The following ANKRD6 variants were observed in gnomAD, a reference collection of about 807,000 sequenced individuals.
ANKRD6 encodes ankyrin repeat domain-containing protein 6.
In ANKRD6, 56 loss-of-function variants were observed where a neutral mutation model predicts 82.3. That is an observed-to-expected ratio of 0.68 (90% CI 0.55 to 0.85). ANKRD6 has a LOEUF of 0.85. Ranked by LOEUF, ANKRD6 falls within the 40% of genes least tolerant of loss-of-function variation. ANKRD6 has a pLI of 0.00. For missense variants in ANKRD6, 852 were observed against 907.6 expected (o/e 0.94, Z 0.79); for synonymous variants, 347 against 352.1 (o/e 0.99, Z 0.16).
At chr6:89,508,524 C>T (rs750800855) in intron 1 of ANKRD6, among the ~76,000 whole-genome samples, 6 of 152,006 alleles carry the variant, frequency 3.9e-5, no homozygotes, top group Admixed American at 6.6e-5. Flanking sequence ...CTCAGAGATA[C>T]GTGTGGGGGG....
chr6:89,616,824 C>A (rs1327875107), intron 8 of ANKRD6, 167 bp downstream of exon 8: 1 of 742,624 alleles, frequency 1.3e-6, no homozygotes, highest in Non-Finnish European at 2.4e-6. Flanking sequence ...GAAGGGTACC[C>A]CTGCTCTGAG....
At chr6:89,539,375 G>A (rs1249080420) in intron 1 of ANKRD6, among the ~76,000 whole-genome samples, 1 of 152,030 alleles carries the variant, frequency 6.6e-6, no homozygotes, top group Admixed American at 6.6e-5. Flanking sequence ...ATATCCCCAA[G>A]TAGTGTTGTC....
chr6:89,612,793 A>G (rs577418891), intron 6 of ANKRD6, among the ~76,000 whole-genome samples: 2 of 152,362 alleles, frequency 1.3e-5, no homozygotes, highest in African/African-American at 4.8e-5. Context: ...TATAGCGAGC[A>G]GGTCCTACTG....
chr6:89,606,115 G>A lies in ANKRD6; in HGVS notation c.417+10G>A, dbSNP rs1798556368. ...GCTTGCCAAGAACAAGGTGAGGCCT[G>A]GCAGATGCTAGAATGCCTCATTCAC... On this transcript the variant is annotated intron_variant, in intron 5 of 15. Coordinates refer to ENST00000339746, the MANE Select transcript of ANKRD6 (RefSeq NM_001242809.2). 2 of 1,546,464 alleles carry A rather than the reference G, an allele frequency of 1.3e-6. No homozygotes were observed. The highest frequency in any genetic ancestry group is 8.8e-7 in the Non-Finnish European group (1 of 1,141,830).
At chr6:89,558,546 C>G (rs777173867) in intron 1 of ANKRD6, among the ~76,000 whole-genome samples, 1 of 152,100 alleles carries the variant, frequency 6.6e-6, no homozygotes, top group Non-Finnish European at 1.5e-5. Flanking sequence ...GTAAAAAGAT[C>G]AGTGGTTGCC....
At chr6:89,554,050 G>A (rs1448203455) in intron 1 of ANKRD6, among the ~76,000 whole-genome samples, 1 of 152,190 alleles carries the variant, frequency 6.6e-6, no homozygotes, top group East Asian at 1.9e-4. Context: ...AGCACAGCCT[G>A]TGATTTTCAG....
chr6:89,507,755 T>A (rs1371484860), intron 1 of ANKRD6, among the ~76,000 whole-genome samples: 4 of 152,226 alleles, frequency 2.6e-5, no homozygotes, highest in Admixed American at 2.6e-4. Context: ...AAGTAGCACA[T>A]ACACATCTAA....
chr6:89,612,160 G>A, intron 5 of ANKRD6, 112 bp from the exon 6 acceptor site: 1 of 910,490 alleles, frequency 1.1e-6, no homozygotes, highest in African/African-American at 1.7e-5. Flanking sequence ...AAGAGGCAGA[G>A]AATGTGAGCG....
intron 8 of ANKRD6, 88 bp downstream of exon 8, chr6:89,616,745 C>T (rs1002896469): frequency 1.6e-6 from 2 of 1,279,520 alleles, no homozygotes; most frequent in East Asian, 2.3e-5. Flanking sequence ...GACCCCCAGG[C>T]CCAGCGCACT....
chr6:89,588,317 T>C (rs866137695), intron 2 of ANKRD6, among the ~76,000 whole-genome samples: 11 of 152,340 alleles, frequency 7.2e-5, no homozygotes, highest in Middle Eastern at 3.4e-3. Flanking sequence ...ACTCTTATTT[T>C]AGTAATGTTA....
At chr6:89,589,316 G>A (rs1258036283) in intron 2 of ANKRD6, among the ~76,000 whole-genome samples, 2 of 152,188 alleles carry the variant, frequency 1.3e-5, no homozygotes, top group Non-Finnish European at 1.5e-5. Flanking sequence ...TCTGTAGGTT[G>A]TAGTTCTCAA....
intron 2 of ANKRD6, among the ~76,000 whole-genome samples, chr6:89,577,660 A>G (rs1791435362): frequency 6.6e-6 from 1 of 152,142 alleles, no homozygotes; most frequent in South Asian, 2.1e-4. Context: ...TTTACAGAAA[A>G]TAAAAAATTA....
At chr6:89,627,435 T>TC in intron 13 of ANKRD6, 148 bp from the exon 14 acceptor site, 4 of 605,092 alleles carry the variant, frequency 6.6e-6, no homozygotes, top group Admixed American at 3.0e-5. Context: ...GTTCCATGAG[T>TC]CCTACATGCA....
At chr6:89,465,918 G>T (rs1237668412) in intron 1 of ANKRD6, among the ~76,000 whole-genome samples, 1 of 152,066 alleles carries the variant, frequency 6.6e-6, no homozygotes, top group Non-Finnish European at 1.5e-5. Flanking sequence ...AATAGTACTT[G>T]CCTCATTAGG....
chr6:89,443,687 G>C (rs2127942871), intron 1 of ANKRD6, among the ~76,000 whole-genome samples: 1 of 152,240 alleles, frequency 6.6e-6, no homozygotes, highest in African/African-American at 2.4e-5. Context: ...TGCTGAGGCT[G>C]GCACCCTTTA....
chr6:89,511,160 A>G (rs1048914028), intron 1 of ANKRD6, among the ~76,000 whole-genome samples: 1 of 152,192 alleles, frequency 6.6e-6, no homozygotes, highest in Non-Finnish European at 1.5e-5. Flanking sequence ...CCACAGCCCG[A>G]TTCCTCTTCC....
rs545559597 is a variant in ANKRD6 at position 89,541,284 on chromosome 6, G to T, written c.-143-25550G>T. On this transcript the variant is annotated intron_variant, in intron 1 of 15. Coordinates refer to ENST00000339746, the MANE Select transcript of ANKRD6 (RefSeq NM_001242809.2). ...ACACGGAATATTTTTCCATTTTTTG[G>T]TGTCCTCTTCAATTTCTTTTATCAG... is the stretch of plus-strand genomic sequence containing the variant. Among the ~76,000 whole-genome samples the T allele has an allele frequency of 3.3e-5, 5 of 150,902 alleles. No homozygotes were observed. In the South Asian group the frequency reaches 1.0e-3, roughly 32 times the overall value.
At chr6:89,449,396 A>G (rs530252680) in intron 1 of ANKRD6, among the ~76,000 whole-genome samples, 5 of 152,296 alleles carry the variant, frequency 3.3e-5, no homozygotes, top group Non-Finnish European at 7.4e-5. Context: ...CTTTTTATGG[A>G]TGAGCAAAGA....
intron 1 of ANKRD6, among the ~76,000 whole-genome samples, chr6:89,455,220 T>C (rs1773362578): frequency 6.6e-6 from 1 of 151,452 alleles, no homozygotes; most frequent in Non-Finnish European, 1.5e-5. Flanking sequence ...TATACAGAAA[T>C]AGATGAGACT....
Sources: gnomAD v4.1 joint callset for allele counts (sites outside exome capture counted in the v4.1 genomes callset) on GRCh38, gnomAD v4.1.1 for gene constraint, MANE v1.5 for transcripts, NCBI Gene and HGNC (gene_info 2026-07-23, HGNC 2026-07-21) for gene names.